The following PPME1 variants were observed in gnomAD, a reference collection of about 807,000 sequenced individuals.
The protein encoded by PPME1 is protein phosphatase methylesterase 1, also known as testicular secretory protein Li 39.
Under a neutral mutation model 56.9 loss-of-function variants are expected in PPME1, and 17 were observed. The observed-to-expected ratio is 0.30, with a 90% CI of 0.20 to 0.45. PPME1 has a LOEUF of 0.45. Ranked by LOEUF, PPME1 falls within the 20% of genes least tolerant of loss-of-function variation. The pLI, the probability that PPME1 is intolerant of heterozygous loss-of-function variation, is 1.00. For synonymous variants in PPME1, 122 were observed against 156.2 expected, an observed-to-expected ratio of 0.78 and a Z score of 1.63; for missense variants, 357 against 483.2, an observed-to-expected ratio of 0.74 and a Z score of 2.45.
Position 74,171,315 on chromosome 11 carries a change from AG to A in PPME1, c.-105del. On this transcript the variant is annotated 5_prime_UTR_variant, in exon 1 of 14. Transcript: ENST00000328257. ...CTACGGGTAGCTGGGTGCTGTCCAAAGGCGACAGGGCGTCGTTAGGGGAGCG... is the reference window on the plus strand; with the variant it reads ...CTACGGGTAGCTGGGTGCTGTCCAAAGCGACAGGGCGTCGTTAGGGGAGCG... 6.6e-7 allele frequency: 1 copy of A among 1,511,784 alleles called. No individual in the cohort carries two copies. Among genetic ancestry groups the A allele is most frequent in the Non-Finnish European group, 8.9e-7 (1 of 1,129,598 alleles). 93.6% of individuals were successfully genotyped at this position (1,511,784 alleles called of 1,614,324 possible). A position where few individuals can be genotyped will look rare whatever the true frequency, so the allele number is the denominator to read the frequency against.
Position 74,202,469 on chromosome 11 carries a change from A to G in PPME1, c.102-1259A>G, listed in dbSNP as rs1858196435. ...CCAGCCGCTGTGTTGTAATTTTTCC[A>G]GTATTATAGTCAACTAGGAGTGCTT... On this transcript the variant is annotated intron_variant, in intron 1 of 13. Coordinates refer to ENST00000328257, the MANE Select transcript of PPME1 (RefSeq NM_016147.3). 1.3e-5 allele frequency among the ~76,000 whole-genome samples: 2 copies of G among 152,194 alleles called. 1 individual carries two copies. Among genetic ancestry groups the G allele is most frequent in the South Asian group, 4.1e-4 (2 of 4,832 alleles).
intron 1 of PPME1, among the ~76,000 whole-genome samples, chr11:74,187,405 T>A (rs1349537695): frequency 6.6e-6 from 1 of 152,224 alleles, no homozygotes; most frequent in African/African-American, 2.4e-5. Flanking sequence ...ATGTCTTTTT[T>A]AATTTCTTCA....
chr11:74,239,834 C>T (rs1859307119), intron 9 of PPME1, among the ~76,000 whole-genome samples: 1 of 152,090 alleles, frequency 6.6e-6, no homozygotes, highest in South Asian at 2.1e-4. Context: ...CCCGCCTTGG[C>T]CTCCCAAAGT....
intron 1 of PPME1, among the ~76,000 whole-genome samples, chr11:74,185,048 G>A (rs182006698): frequency 0.013 from 1,745 of 134,366 alleles, 19 homozygotes; most frequent in Non-Finnish European, 0.019. Context: ...CACCCAGGCT[G>A]GAGTGCAGTG....
intron 7 of PPME1, chr11:74,235,606 A>G (rs1591060771): frequency 9.2e-6 from 3 of 325,022 alleles, no homozygotes; most frequent in East Asian, 7.1e-5. Context: ...TATTAACATT[A>G]TATGTGTCTT....
At chr11:74,209,350 G>T (rs1858412293) in intron 3 of PPME1, among the ~76,000 whole-genome samples, 1 of 152,124 alleles carries the variant, frequency 6.6e-6, no homozygotes, top group South Asian at 2.1e-4. Flanking sequence ...CAATCCTCCT[G>T]CCTCAGCCTC....
intron 1 of PPME1, among the ~76,000 whole-genome samples, chr11:74,195,543 C>G (rs373981336): frequency 3.4e-4 from 52 of 152,234 alleles, no homozygotes; most frequent in African/African-American, 1.2e-3. Context: ...TTATTCTTTG[C>G]TTTTATAGAC....
chr11:74,220,764 A>G (rs1858777806), intron 3 of PPME1, among the ~76,000 whole-genome samples: 1 of 152,192 alleles, frequency 6.6e-6, no homozygotes, highest in African/African-American at 2.4e-5. Context: ...TAGTGAGAAA[A>G]TGGTTGGTTA....
At chr11:74,202,830 T>C (rs968399369) in intron 1 of PPME1, among the ~76,000 whole-genome samples, 1 of 152,144 alleles carries the variant, frequency 6.6e-6, no homozygotes, top group African/African-American at 2.4e-5. Context: ...AATCATACTT[T>C]CCTTTCCAAG....
chr11:74,188,956 G>A (rs1473781744), intron 1 of PPME1, among the ~76,000 whole-genome samples: 1 of 152,160 alleles, frequency 6.6e-6, no homozygotes, highest in East Asian at 1.9e-4. Context: ...CTACAATGTT[G>A]AAGTATAAAA....
chr11:74,200,343 AAC>A (rs1314727266), intron 1 of PPME1, among the ~76,000 whole-genome samples: 4 of 148,022 alleles, frequency 2.7e-5, no homozygotes, highest in African/African-American at 1.0e-4. Flanking sequence ...CTAGTTTATA[AAC>A]AGTCATGTGT....
At chr11:74,228,960 C>G (rs955412036) in intron 5 of PPME1, among the ~76,000 whole-genome samples, 1 of 152,128 alleles carries the variant, frequency 6.6e-6, no homozygotes, top group Non-Finnish European at 1.5e-5. Context: ...ACTGCCTGAA[C>G]TGCTTCACTT....
chr11:74,204,740 A>G (rs539564967), intron 3 of PPME1: 1 of 225,018 alleles, frequency 4.4e-6, no homozygotes, highest in South Asian at 1.3e-4. Context: ...TGTGAAAGAA[A>G]AATTTAAAAA....
Position 74,246,123 on chromosome 11 carries a change from A to C in PPME1, c.882A>C (p.Thr294=). The stretch of plus-strand genomic sequence containing the variant: ...CCTGGAGAATTGAACTGGCAAAAAC[A>C]GAAAAATACTGGGACGGCTGGTTCC... ...PYTWRIELAK[T]EKYWDGWFRG... Residue 294 remains threonine, a synonymous_variant, in exon 10 of 14, where the codon ACA becomes ACC. Transcript: ENST00000328257. 1 of 1,565,930 alleles carries C rather than the reference A, an allele frequency of 6.4e-7. No homozygotes were observed. The highest frequency in any genetic ancestry group is 8.7e-7 in the Non-Finnish European group (1 of 1,154,316).
chr11:74,246,042 C>G (rs1859494044), intron 9 of PPME1, 34 bp from the exon 10 acceptor site: 3 of 1,565,044 alleles, frequency 1.9e-6, no homozygotes, highest in Non-Finnish European at 2.6e-6. Flanking sequence ...AGGGGTTGCC[C>G]TCGGAGACTC....
intron 1 of PPME1, among the ~76,000 whole-genome samples, chr11:74,184,950 T>C (rs377253117): frequency 6.6e-5 from 10 of 151,962 alleles, no homozygotes; most frequent in African/African-American, 2.2e-4. Flanking sequence ...TCTGAAATGA[T>C]TGCCCTAATG....
chr11:74,197,123 A>G (rs561959728), intron 1 of PPME1, among the ~76,000 whole-genome samples: 1 of 152,336 alleles, frequency 6.6e-6, no homozygotes, highest in South Asian at 2.1e-4. Flanking sequence ...CTGTTCTTAT[A>G]CCTGTACCAC....
intron 3 of PPME1, among the ~76,000 whole-genome samples, chr11:74,217,169 A>G (rs1048954440): frequency 1.8e-4 from 27 of 152,142 alleles, no homozygotes; most frequent in African/African-American, 6.3e-4. Flanking sequence ...CAAAAAAACT[A>G]CAGGCCAATA....
chr11:74,250,296 T>A (rs1859622165), intron 11 of PPME1: 1 of 152,234 alleles, frequency 6.6e-6, no homozygotes, highest in South Asian at 2.1e-4. Flanking sequence ...TCAATCATTG[T>A]CGCATTAGTT....
Sources: gnomAD v4.1 joint callset for allele counts (sites outside exome capture counted in the v4.1 genomes callset) on GRCh38, gnomAD v4.1.1 for gene constraint, MANE v1.5 for transcripts, NCBI Gene and HGNC (gene_info 2026-07-23, HGNC 2026-07-21) for gene names.